Variants in FUT8 observed in about 807,000 individuals in gnomAD.
FUT8 encodes fucosyltransferase 8, also known as alpha-(1,6)-fucosyltransferase.
In FUT8, 29 loss-of-function variants were observed where a neutral mutation model predicts 71.3. That is an observed-to-expected ratio of 0.41 (90% CI 0.30 to 0.55). The LOEUF is 0.55. Among genes scored for constraint, FUT8 ranks in the 20% least tolerant of loss-of-function variants. FUT8 has a pLI of 0.34. For missense variants in FUT8, 544 were observed against 702.1 expected (o/e 0.77, Z 2.55); for synonymous variants, 254 against 239.3 (o/e 1.06, Z -0.57).
At chr14:65,491,633 C>T (rs1237836145) in intron 2 of FUT8, among the ~76,000 whole-genome samples, 2 of 151,580 alleles carry the variant, frequency 1.3e-5, no homozygotes, top group African/African-American at 2.4e-5. Context: ...TTTTAAAGCA[C>T]GAATTGATTT....
At chr14:65,422,015 A>G (rs1213213505) in intron 1 of FUT8, among the ~76,000 whole-genome samples, 1 of 152,036 alleles carries the variant, frequency 6.6e-6, no homozygotes, top group Non-Finnish European at 1.5e-5. Flanking sequence ...GTGTCCAGTG[A>G]TCCTCGTGAC....
chr14:65,732,351 G>T (rs1423748289), intron 9 of FUT8, among the ~76,000 whole-genome samples: 1 of 152,188 alleles, frequency 6.6e-6, no homozygotes, highest in Non-Finnish European at 1.5e-5. Flanking sequence ...TATTCACTCA[G>T]CATTGTGTGG....
chr14:65,398,530 T>C, the FUT8 span, among the ~76,000 whole-genome samples: 1 of 151,782 alleles, frequency 6.6e-6, no homozygotes. Flanking sequence ...GGTCAAGAGA[T>C]CAAGACGATT....
chr14:65,600,465 G>A (rs1888234552), intron 3 of FUT8, among the ~76,000 whole-genome samples: 1 of 152,204 alleles, frequency 6.6e-6, no homozygotes. Context: ...TGAATGTAGC[G>A]GGATAGAGTG....
rs925528231 is a variant in FUT8, at chr14:65,669,097, G to T, written c.598-146G>T. The T allele has an allele frequency of 6.5e-6, 4 of 618,942 alleles. No individual in the cohort carries two copies. The highest frequency in any genetic ancestry group is 8.4e-6 in the Non-Finnish European group (3 of 355,334). 38.3% of individuals were successfully genotyped at this position (618,942 alleles called of 1,614,324 possible). A position where few individuals can be genotyped will look rare whatever the true frequency, so the allele number is the denominator to read the frequency against. ...TCACTTACTATGCTGATTACTTGGG[G>T]TGTATACCAAACCCCACGACACACA... On this transcript the variant is annotated intron_variant, in intron 6 of 10. Transcript: ENST00000673929. This position sits in a 1 kb window ranked among gnomAD's most constrained non-coding sequence, Gnocchi z 4.5.
chr14:65,474,441 GAA>G (rs398025445), intron 2 of FUT8, among the ~76,000 whole-genome samples: 1 of 39,688 alleles, frequency 2.5e-5, no homozygotes, highest in Non-Finnish European at 4.7e-5. Flanking sequence ...TGTCTCTACT[GAA>G]AAAAAAAAAA....
At chr14:65,521,288 T>C (rs1278830441) in intron 2 of FUT8, among the ~76,000 whole-genome samples, 3 of 152,216 alleles carry the variant, frequency 2.0e-5, no homozygotes, top group Non-Finnish European at 4.4e-5. Flanking sequence ...TTAGCATTTA[T>C]AATTGATATT....
the FUT8 span, among the ~76,000 whole-genome samples, chr14:65,388,756 C>T: frequency 2.6e-5 from 4 of 151,064 alleles, no homozygotes; most frequent in African/African-American, 9.9e-5. Flanking sequence ...AGTGAGATTC[C>T]ATCTCCAAAA....
chr14:65,633,444 G>A (rs10135224), intron 6 of FUT8, among the ~76,000 whole-genome samples: 1,627 of 151,604 alleles, frequency 0.011, 25 homozygotes, highest in African/African-American at 0.037. Flanking sequence ...CCGCCACCCC[G>A]TCTGGGATGT....
rs1491251493 is a variant in FUT8, at chr14:65,439,991, T to TATATATATATATAC, written c.-325-15630_-325-15629insATATATATATATAC. Among the ~76,000 whole-genome samples, 62 of 134,230 alleles carry TATATATATATATAC rather than the reference T, an allele frequency of 4.6e-4. 2 individuals carry two copies. Among genetic ancestry groups the TATATATATATATAC allele is most frequent in the Middle Eastern group, 3.9e-3 (1 of 256 alleles). 88.1% of individuals were successfully genotyped at this position (134,230 alleles called of 152,430 possible). A position where few individuals can be genotyped will look rare whatever the true frequency, so the allele number is the denominator to read the frequency against. The stretch of plus-strand genomic sequence containing the variant: ...ATATATATATATATATATATATATA[T>TATATATATATATAC]GTACACACACACAGTGGAATACTGT... On this transcript the variant is annotated intron_variant, in intron 1 of 10. Coordinates refer to ENST00000673929, the MANE Select transcript of FUT8 (RefSeq NM_001371533.1).
intron 3 of FUT8, among the ~76,000 whole-genome samples, chr14:65,601,371 T>C (rs1888279729): frequency 6.6e-6 from 1 of 152,172 alleles, no homozygotes; most frequent in Non-Finnish European, 1.5e-5. Context: ...ATTTCAGTCC[T>C]ATGGGTGACC....
intron 2 of FUT8, among the ~76,000 whole-genome samples, chr14:65,555,382 A>G (rs1236553235): frequency 1.3e-5 from 2 of 152,154 alleles, no homozygotes; most frequent in Non-Finnish European, 2.9e-5. Context: ...TTAGCTACCC[A>G]GTATTTAATT....
At chr14:65,511,387 T>C (rs138506738) in intron 2 of FUT8, among the ~76,000 whole-genome samples, 1,842 of 152,290 alleles carry the variant, frequency 0.012, 15 homozygotes, top group South Asian at 0.024. Context: ...GTATATTCTG[T>C]AGCTGTTGGA....
chr14:65,500,610 C>T (rs2066631436), intron 2 of FUT8, among the ~76,000 whole-genome samples: 1 of 152,190 alleles, frequency 6.6e-6, no homozygotes, highest in Non-Finnish European at 1.5e-5. Context: ...TTTCGCTAGA[C>T]TAAAAGGTTT....
chr14:65,600,283 C>G (rs1888226416), intron 3 of FUT8, among the ~76,000 whole-genome samples: 2 of 152,124 alleles, frequency 1.3e-5, no homozygotes, highest in Non-Finnish European at 2.9e-5. Flanking sequence ...TATGACAGAG[C>G]TTTGTTATTT....
chr14:65,506,616 T>G (rs559034357), intron 2 of FUT8, among the ~76,000 whole-genome samples: 1 of 152,226 alleles, frequency 6.6e-6, no homozygotes, highest in Non-Finnish European at 1.5e-5. Flanking sequence ...GTACTACTTA[T>G]TGATTTTTTT....
chr14:65,573,208 C>G (rs1310778782), intron 3 of FUT8, among the ~76,000 whole-genome samples: 1 of 152,024 alleles, frequency 6.6e-6, no homozygotes, highest in East Asian at 1.9e-4. Flanking sequence ...CCGTTCATTT[C>G]AAGCTTTGCC....
chr14:65,602,351 A>T (rs1235352848), intron 3 of FUT8, among the ~76,000 whole-genome samples: 458 of 18,176 alleles, frequency 0.025, 20 homozygotes, highest in South Asian at 0.032. Context: ...TCTCACACAC[A>T]CACACACACA....
intron 7 of FUT8, among the ~76,000 whole-genome samples, chr14:65,684,719 G>A (rs890931174): frequency 1.3e-5 from 2 of 152,088 alleles, no homozygotes; most frequent in African/African-American, 4.8e-5. Flanking sequence ...CACACACTTC[G>A]TAAGCATCTG....
Sources: allele counts gnomAD v4.1 joint callset (sites outside exome capture counted in the v4.1 genomes callset), GRCh38; gene constraint gnomAD v4.1.1; non-coding constraint Gnocchi (gnomAD v3.1); transcripts MANE v1.5; gene names NCBI Gene and HGNC (gene_info 2026-07-23, HGNC 2026-07-21).